Variants in GPC5 observed in about 807,000 individuals in gnomAD.
GPC5 encodes glypican-5.
A neutral mutation model predicts 53.9 loss-of-function variants in GPC5; 47 were observed. That is an observed-to-expected ratio of 0.87 (90% confidence interval 0.69 to 1.11). The LOEUF is 1.11. Ranked by LOEUF, GPC5 falls within the 50% of genes most tolerant of loss-of-function variation. The pLI is 0.00. For missense variants in GPC5, 748 were observed against 713.1 expected (o/e 1.05, Z -0.56); for synonymous variants, 286 against 263.3 (o/e 1.09, Z -0.84).
intron 6 of GPC5, among the ~76,000 whole-genome samples, chr13:92,014,192 A>G (rs2040687050): frequency 6.6e-6 from 1 of 152,232 alleles, no homozygotes; most frequent in Non-Finnish European, 1.5e-5. Context: ...CTCATTATGC[A>G]TAAGCCCATG....
At chr13:91,736,431 C>T (rs902160463) in intron 4 of GPC5, among the ~76,000 whole-genome samples, 7 of 151,088 alleles carry the variant, frequency 4.6e-5, no homozygotes, top group African/African-American at 1.7e-4. Flanking sequence ...TCAATTTTTC[C>T]ACAATCTTTT....
intron 2 of GPC5, among the ~76,000 whole-genome samples, chr13:91,594,692 G>A (rs1407702524): frequency 6.6e-6 from 1 of 151,618 alleles, no homozygotes; most frequent in Admixed American, 6.6e-5. Context: ...TGTTGTGTTT[G>A]TTTTGAGACA....
intron 5 of GPC5, among the ~76,000 whole-genome samples, chr13:91,765,040 GC>G (rs1231870321): frequency 6.6e-6 from 1 of 152,084 alleles, no homozygotes; most frequent in African/African-American, 2.4e-5. Context: ...ATCTATTCTA[GC>G]CCATAGAAAC....
intron 6 of GPC5, among the ~76,000 whole-genome samples, chr13:92,070,648 T>C (rs2041203696): frequency 6.6e-6 from 1 of 152,218 alleles, no homozygotes; most frequent in Admixed American, 6.5e-5. Context: ...GTTGAATACA[T>C]ATAGAACACA....
chr13:92,854,146 C>G (rs1009687529), intron 7 of GPC5, among the ~76,000 whole-genome samples: 2 of 150,512 alleles, frequency 1.3e-5, no homozygotes, highest in African/African-American at 4.9e-5. Flanking sequence ...CTTATGTGAG[C>G]TTTAATTTAT....
chr13:91,599,918 TA>T (rs1160902587), intron 2 of GPC5, among the ~76,000 whole-genome samples: 1 of 152,110 alleles, frequency 6.6e-6, no homozygotes, highest in African/African-American at 2.4e-5. Context: ...CATGTATACA[TA>T]GTTAAGAGCT....
At chr13:91,984,493 G>A (rs2040388990) in intron 6 of GPC5, among the ~76,000 whole-genome samples, 2 of 152,168 alleles carry the variant, frequency 1.3e-5, no homozygotes, top group African/African-American at 2.4e-5. Flanking sequence ...TCTAATTAGG[G>A]TTGTACTGCA....
chr13:92,657,661 T>C (rs1886186766), intron 7 of GPC5, among the ~76,000 whole-genome samples: 1 of 151,010 alleles, frequency 6.6e-6, no homozygotes, highest in African/African-American at 2.4e-5. Context: ...GAGGCAATTT[T>C]AAAGGCCACC....
At chr13:92,740,899 TATATATA>T (rs1566394353) in intron 7 of GPC5, among the ~76,000 whole-genome samples, 3 of 25,648 alleles carry the variant, frequency 1.2e-4, no homozygotes, top group African/African-American at 1.0e-3. Context: ...TATTTATTTA[TATATATA>T]TATATATATA....
At chr13:91,913,923 T>A (rs572705977) in intron 6 of GPC5, among the ~76,000 whole-genome samples, 1 of 152,338 alleles carries the variant, frequency 6.6e-6, no homozygotes, top group East Asian at 1.9e-4. Flanking sequence ...TTTTCAGATG[T>A]TTGCGTCAGA....
chr13:92,338,463 G>T (rs1276841434), intron 7 of GPC5, among the ~76,000 whole-genome samples: 1 of 152,046 alleles, frequency 6.6e-6, no homozygotes, highest in Non-Finnish European at 1.5e-5. Context: ...GATATTTACA[G>T]CAGCTTTATT....
chr13:92,228,337 A>T, intron 7 of GPC5, among the ~76,000 whole-genome samples: 1 of 152,188 alleles, frequency 6.6e-6, no homozygotes, highest in Non-Finnish European at 1.5e-5. Flanking sequence ...AAGTAAAATT[A>T]TTGTAATATT....
chr13:92,449,383 G>A (rs1045416933), intron 7 of GPC5, among the ~76,000 whole-genome samples: 2 of 152,030 alleles, frequency 1.3e-5, no homozygotes, highest in East Asian at 1.9e-4. Flanking sequence ...GTCACATGGA[G>A]TAATTAAACC....
intron 7 of GPC5, among the ~76,000 whole-genome samples, chr13:92,732,536 G>A (rs1032012101): frequency 2.1e-5 from 3 of 140,554 alleles, no homozygotes; most frequent in Admixed American, 1.5e-4. Context: ...TCTTAGTTCC[G>A]TTTATCCTTT....
In GPC5 at chr13:92,527,108, A is replaced by AGAAAGAAAGAAAGAAAGAAAG. The variant is rs75868236; in HGVS notation, c.1562-339174_1562-339173insGAAAGAAAGAAAGAAAGAAAG. The stretch of plus-strand genomic sequence containing the variant: ...TGAGATTCTGTAGGAAAAGAAAGAA[A>AGAAAGAAAGAAAGAAAGAAAG]AAAGAAAGAAAGAAAGAAAGAAAGA... On this transcript the variant is annotated intron_variant, in intron 7 of 7. Transcript: ENST00000377067. Among the ~76,000 whole-genome samples the AGAAAGAAAGAAAGAAAGAAAG allele has an allele frequency of 2.3e-3, 90 of 39,052 alleles. 19 individuals carry two copies. Among genetic ancestry groups the AGAAAGAAAGAAAGAAAGAAAG allele is most frequent in the South Asian group, 0.011 (10 of 886 alleles). 25.6% of individuals were successfully genotyped at this position (39,052 alleles called of 152,430 possible). A position where few individuals can be genotyped will look rare whatever the true frequency, so the allele number is the denominator to read the frequency against.
At position 92,795,560 on chromosome 13, in the gene GPC5, G is replaced by A. The variant is rs760160796; in HGVS notation, c.1562-70722G>A. On this transcript the variant is annotated intron_variant, in intron 7 of 7. Coordinates refer to ENST00000377067, the MANE Select transcript of GPC5 (RefSeq NM_004466.6). ...GGATCTAATTAAAGAATTTCTGCAC[G>A]GCAAAAGAAACTACCATCAGAGTGA... Among the ~76,000 whole-genome samples the A allele has an allele frequency of 4.0e-4, 60 of 151,822 alleles. 1 individual carries two copies. Among genetic ancestry groups the A allele is most frequent in the Middle Eastern group, 6.3e-3 (2 of 316 alleles).
intron 2 of GPC5, among the ~76,000 whole-genome samples, chr13:91,500,167 A>G (rs1305592777): frequency 6.6e-6 from 1 of 152,140 alleles, no homozygotes; most frequent in Admixed American, 6.6e-5. Flanking sequence ...TATTTTTTAT[A>G]TATTTGTTGT....
chr13:92,318,853 G>A (rs1179140880), intron 7 of GPC5, among the ~76,000 whole-genome samples: 1 of 152,036 alleles, frequency 6.6e-6, no homozygotes, highest in Non-Finnish European at 1.5e-5. Context: ...GGGTAGATGT[G>A]GATTTTTGGG....
At chr13:92,818,300 G>A (rs891485639) in intron 7 of GPC5, among the ~76,000 whole-genome samples, 18 of 152,018 alleles carry the variant, frequency 1.2e-4, no homozygotes, top group Middle Eastern at 3.4e-3. Flanking sequence ...GTGAGCCACC[G>A]CAACTGGCCC....
Sources: gnomAD v4.1 joint callset for allele counts (sites outside exome capture counted in the v4.1 genomes callset) on GRCh38, gnomAD v4.1.1 for gene constraint, MANE v1.5 for transcripts, NCBI Gene and HGNC (gene_info 2026-07-23, HGNC 2026-07-21) for gene names.